TTC7B: variants seen among roughly 807,000 people sequenced by gnomAD.
The protein encoded by TTC7B is tetratricopeptide repeat domain 7B, also known as tetratricopeptide repeat protein 7B.
TTC7B carries 28 observed loss-of-function variants against 106.8 expected under a neutral mutation model. That is an observed-to-expected ratio of 0.26 (90% CI 0.19 to 0.36). The LOEUF (loss-of-function observed/expected upper bound fraction) is 0.36, where lower values mean the gene tolerates loss of function less well. Among genes scored for constraint, TTC7B ranks in the 10% least tolerant of loss-of-function variants. TTC7B has a pLI of 1.00. For synonymous variants in TTC7B, 405 were observed against 430.6 expected (o/e 0.94, Z 0.74); for missense variants, 862 against 1,076.4 (o/e 0.80, Z 2.79).
At chr14:90,611,139 A>G (rs932637874) in intron 16 of TTC7B, among the ~76,000 whole-genome samples, 6 of 152,054 alleles carry the variant, frequency 3.9e-5, no homozygotes, top group Admixed American at 6.5e-5. Context: ...TTTTCCATCC[A>G]CCTTACAGGG....
At chr14:90,751,308 G>A (rs980727533) in intron 3 of TTC7B, among the ~76,000 whole-genome samples, 2 of 152,148 alleles carry the variant, frequency 1.3e-5, no homozygotes, top group African/African-American at 2.4e-5. Context: ...GAATTGCCAC[G>A]CAACCCAAAA....
chr14:90,573,038 G>A (rs376291511), intron 19 of TTC7B, among the ~76,000 whole-genome samples: 3 of 152,240 alleles, frequency 2.0e-5, no homozygotes, highest in African/African-American at 7.2e-5. Flanking sequence ...TCCTTGGGGC[G>A]GGGGTTGGGG....
chr14:90,599,426 C>T (rs1892340950), intron 17 of TTC7B, among the ~76,000 whole-genome samples: 2 of 152,172 alleles, frequency 1.3e-5, no homozygotes, highest in Non-Finnish European at 2.9e-5. Context: ...ATTCCAGTGC[C>T]AGGAACGACG....
At chr14:90,567,759 T>TA (rs1890859398) in intron 19 of TTC7B, 1 of 152,252 alleles carries the variant, frequency 6.6e-6, no homozygotes, top group African/African-American at 2.4e-5. Flanking sequence ...TCCCCATCTG[T>TA]AAAAGGGGGT....
At position 90,600,218 on chromosome 14, in the gene TTC7B, C is replaced by G. The variant is rs566571552; in HGVS notation, c.1967-6592G>C. On this transcript the variant is annotated intron_variant, in intron 17 of 19. Coordinates refer to ENST00000328459, the MANE Select transcript of TTC7B (RefSeq NM_001010854.2). This position sits in a 1 kb window ranked among gnomAD's most constrained non-coding sequence, Gnocchi z 4.3. ...AAACATAACTGCTGTCCCCTCATCTCCCTGGTGCCCGGGAGTTAGGACAAT... is the reference window on the plus strand; with the variant it reads ...AAACATAACTGCTGTCCCCTCATCTGCCTGGTGCCCGGGAGTTAGGACAAT... Among the ~76,000 whole-genome samples, 1 of 152,352 alleles carries G rather than the reference C, an allele frequency of 6.6e-6. No homozygotes were observed. Among genetic ancestry groups the G allele is most frequent in the South Asian group, 2.1e-4 (1 of 4,830 alleles).
At chr14:90,813,768 T>C (rs929092225) in intron 1 of TTC7B, among the ~76,000 whole-genome samples, 2 of 151,652 alleles carry the variant, frequency 1.3e-5, no homozygotes, top group Non-Finnish European at 2.9e-5. Context: ...AAGCAGAAGA[T>C]GCTTTAACTT....
chr14:90,654,737 C>T (rs1885873608), intron 12 of TTC7B, among the ~76,000 whole-genome samples: 1 of 152,262 alleles, frequency 6.6e-6, no homozygotes, highest in Middle Eastern at 3.4e-3. Flanking sequence ...GTGAGGTGCC[C>T]AGTGTGCCAC....
At chr14:90,556,381 G>A (rs983580115) in intron 19 of TTC7B, among the ~76,000 whole-genome samples, 5 of 152,236 alleles carry the variant, frequency 3.3e-5, no homozygotes, top group South Asian at 2.1e-4. Flanking sequence ...GGAACGTGGC[G>A]GTAGCTGTCA....
rs954608998 is a variant in TTC7B, at chr14:90,709,444, C to A, written c.699-13866G>T. The stretch of plus-strand genomic sequence containing the variant: ...AGCAAACTATCACAAGGACAAAAAA[C>A]CAAACACCACACGTTCTCACTCATA... On this transcript the variant is annotated intron_variant, in intron 5 of 19. Transcript: ENST00000328459. Among the ~76,000 whole-genome samples, 144 of 148,386 alleles carry A rather than the reference C, an allele frequency of 9.7e-4. 2 individuals are homozygous for A. Among genetic ancestry groups the A allele is most frequent in the Non-Finnish European group, 4.0e-4 (27 of 67,342 alleles).
At position 90,741,800 on chromosome 14, in the gene TTC7B, C is replaced by T. The variant is rs540225954; in HGVS notation, c.576+2992G>A. On this transcript the variant is annotated intron_variant, in intron 4 of 19. Transcript: ENST00000328459. ...GGTTATTCTCCTCGCTAGCCTTCTG[C>T]TTAATCAACAGTTAGTTTCTTGAGT... 5.3e-4 allele frequency among the ~76,000 whole-genome samples: 80 copies of T among 152,286 alleles called. 1 individual carries two copies. The highest frequency in any genetic ancestry group is 1.9e-3 in the African/African-American group (77 of 41,560).
rs527624883 is a variant in TTC7B, at chr14:90,784,788, C to A, written c.276+1386G>T. Among the ~76,000 whole-genome samples the A allele has an allele frequency of 4.6e-5, 7 of 152,248 alleles. No homozygotes were observed. In the South Asian group the frequency reaches 1.0e-3, roughly 23 times the overall value. ...GCTGAGCTGACCTCTCCAGCCACCC[C>A]CTAGGGGCCTGGGGCAAGATCCCTG... On this transcript the variant is annotated intron_variant, in intron 2 of 19. Transcript: ENST00000328459.
intron 17 of TTC7B, among the ~76,000 whole-genome samples, chr14:90,610,460 A>C (rs1314843249): frequency 6.6e-6 from 1 of 152,222 alleles, no homozygotes; most frequent in African/African-American, 2.4e-5. Context: ...CCTGATGGGG[A>C]CAGAAACCAC....
intron 1 of TTC7B, 80 bp downstream of exon 1, chr14:90,816,095 G>A: frequency 4.1e-6 from 4 of 974,714 alleles, no homozygotes; most frequent in Non-Finnish European, 4.9e-6. Context: ...CGCGCCCCGC[G>A]CCCGGCCGCG....
rs755256746 is a variant in TTC7B, at chr14:90,676,544, G to T, written c.1131C>A (p.Gly377=). 14 of 1,613,878 alleles carry T rather than the reference G, an allele frequency of 8.7e-6. No homozygotes were observed. The highest frequency in any genetic ancestry group is 1.1e-5 in the Non-Finnish European group (13 of 1,179,950). ...DLLTIALGRR[G]QYEMLSECLE... ...GTACCTCTGACAGCATCTCATACTGGCCTCTTCTTCCAAGAGCAATGGTGA... is the reference window on the plus strand; with the variant it reads ...GTACCTCTGACAGCATCTCATACTGTCCTCTTCTTCCAAGAGCAATGGTGA... The change falls in exon 9 of 20, where the codon GGC becomes GGA. Residue 377 remains glycine, a synonymous_variant. Coordinates refer to ENST00000328459, the MANE Select transcript of TTC7B (RefSeq NM_001010854.2).
intron 3 of TTC7B, among the ~76,000 whole-genome samples, chr14:90,760,580 A>G (rs1041306457): frequency 6.6e-5 from 10 of 152,228 alleles, no homozygotes; most frequent in African/African-American, 2.4e-4. Flanking sequence ...TCCGGCACAA[A>G]TGTCCAAATG....
At chr14:90,729,821 T>C (rs764555174) in intron 5 of TTC7B, among the ~76,000 whole-genome samples, 15 of 152,102 alleles carry the variant, frequency 9.9e-5, no homozygotes, top group Non-Finnish European at 1.9e-4. Context: ...ACCCCACTGG[T>C]CTTGAGGCTG....
intron 5 of TTC7B, chr14:90,699,010 C>T (rs1887876807): frequency 5.9e-6 from 2 of 338,942 alleles, no homozygotes; most frequent in Non-Finnish European, 1.1e-5. Context: ...GCTGAACCTC[C>T]TTCCAGGGCT....
chr14:90,780,212 T>C (rs1012481809), intron 3 of TTC7B, among the ~76,000 whole-genome samples: 1 of 151,866 alleles, frequency 6.6e-6, no homozygotes, highest in Non-Finnish European at 1.5e-5. Context: ...AGAAACCCCC[T>C]CTCTACTAAA....
intron 5 of TTC7B, among the ~76,000 whole-genome samples, chr14:90,722,312 A>G (rs1263255832): frequency 6.6e-6 from 1 of 152,122 alleles, no homozygotes; most frequent in Non-Finnish European, 1.5e-5. Flanking sequence ...TGCTGAGGTT[A>G]AAATGTAGCC....
Sources: gnomAD v4.1 joint callset for allele counts (sites outside exome capture counted in the v4.1 genomes callset) on GRCh38, gnomAD v4.1.1 for gene constraint, Gnocchi (gnomAD v3.1) non-coding constraint, MANE v1.5 for transcripts, NCBI Gene and HGNC (gene_info 2026-07-23, HGNC 2026-07-21) for gene names.